ANKRD31: variants seen among roughly 807,000 people sequenced by gnomAD.
ANKRD31 encodes ankyrin repeat domain-containing protein 31.
ANKRD31 carries 147 observed loss-of-function variants against 186.0 expected under a neutral mutation model. The ratio of observed to expected loss-of-function variants is 0.79; its 90% CI spans 0.69 to 0.91. The LOEUF is 0.91. Among genes scored for constraint, ANKRD31 ranks in the 40% least tolerant of loss-of-function variants. The probability of loss-of-function intolerance (pLI) is 0.00; values close to 1 mark genes in which losing one functional copy is unlikely to be tolerated. For missense variants in ANKRD31, 1,986 were observed against 2,148.8 expected, an observed-to-expected ratio of 0.92 and a Z score of 1.50; for synonymous variants, 673 against 736.4, an observed-to-expected ratio of 0.91 and a Z score of 1.39.
In ANKRD31 at chr5:75,164,362, A is replaced by AT. The variant is rs535635838; in HGVS notation, c.1707+4616dup. Among the ~76,000 whole-genome samples, 63 of 152,338 alleles carry AT rather than the reference A, an allele frequency of 4.1e-4. 4 individuals carry two copies. The Middle Eastern group carries it at 0.017, about 41-fold the overall frequency. The stretch of plus-strand genomic sequence containing the variant: ...TGCAACATGATAAATGTTTATTATT[A>AT]TTTTAAGTTTTGTGGTAATTTGTTA... On this transcript the variant is annotated intron_variant, in intron 11 of 25. Transcript: ENST00000506364.
Position 75,154,207 on chromosome 5 carries a change from T to C in ANKRD31, c.1846A>G (p.Thr616Ala). 1 of 1,518,878 alleles carries C rather than the reference T, an allele frequency of 6.6e-7. No homozygotes were observed. 94.1% of individuals were successfully genotyped at this position (1,518,878 alleles called of 1,614,324 possible). The change falls in exon 12 of 26, where the codon ACA becomes GCA. Residue 616 changes from threonine to alanine, a missense_variant. Coordinates refer to ENST00000506364, the MANE Select transcript of ANKRD31 (RefSeq NM_001372053.1). ...CAGGGCAGTTTAATCTTACCTGATG[T>C]AAGGCATTTTTGATGTTTAGGGATA... The part of the protein sequence containing the change: ...RYIPKHQKCL[T>A]SAQRSSIDPL...
At chr5:75,092,356 C>T (rs1265680294) in intron 22 of ANKRD31, among the ~76,000 whole-genome samples, 2 of 152,156 alleles carry the variant, frequency 1.3e-5, no homozygotes, top group Non-Finnish European at 2.9e-5. Flanking sequence ...AAACACTGAC[C>T]TTGGGAACTA....
chr5:75,233,123 T>C (rs1028060049), intron 1 of ANKRD31, among the ~76,000 whole-genome samples: 1 of 151,730 alleles, frequency 6.6e-6, no homozygotes, highest in East Asian at 1.9e-4. Context: ...AGTGCAGTGA[T>C]ATAATCGCAG....
chr5:75,105,571 G>C (rs544394294), intron 21 of ANKRD31, among the ~76,000 whole-genome samples: 64 of 152,200 alleles, frequency 4.2e-4, no homozygotes, highest in African/African-American at 1.4e-3. Context: ...CATCTATTTA[G>C]TCGTTGGTTG....
intron 22 of ANKRD31, among the ~76,000 whole-genome samples, chr5:75,100,619 C>T (rs1746768817): frequency 2.0e-5 from 3 of 152,080 alleles, no homozygotes; most frequent in Admixed American, 2.0e-4. Context: ...GTATTGGGTG[C>T]ATATATATTT....
intron 1 of ANKRD31, among the ~76,000 whole-genome samples, chr5:75,236,173 C>G (rs1758262706): frequency 6.6e-6 from 1 of 152,178 alleles, no homozygotes; most frequent in Non-Finnish European, 1.5e-5. Context: ...CCCCATCACA[C>G]ATTCTTTTCT....
intron 3 of ANKRD31, among the ~76,000 whole-genome samples, chr5:75,217,402 C>T (rs190346738): frequency 1.2e-4 from 19 of 152,184 alleles, no homozygotes; most frequent in African/African-American, 3.6e-4. Flanking sequence ...TATGGGTGCA[C>T]CTGAGTTGGG....
intron 10 of ANKRD31, among the ~76,000 whole-genome samples, chr5:75,185,772 CATT>C (rs1283712725): frequency 1.3e-5 from 2 of 151,788 alleles, no homozygotes; most frequent in African/African-American, 4.8e-5. Flanking sequence ...TAAAAAAACA[CATT>C]GTTCCCCATA....
At chr5:75,141,143 C>A (rs892324385) in intron 15 of ANKRD31, among the ~76,000 whole-genome samples, 1 of 152,138 alleles carries the variant, frequency 6.6e-6, no homozygotes, top group African/African-American at 2.4e-5. Flanking sequence ...TAAATGTCAT[C>A]AACCATGCAT....
At chr5:75,117,561 T>C (rs1295167872) in intron 18 of ANKRD31, among the ~76,000 whole-genome samples, 3 of 152,078 alleles carry the variant, frequency 2.0e-5, no homozygotes, top group Non-Finnish European at 4.4e-5. Flanking sequence ...ACAATTGCTC[T>C]CCCCAGCATT....
rs576082222 is a variant in ANKRD31 at position 75,124,761 on chromosome 5, C to T, written c.3877-6464G>A. On this transcript the variant is annotated intron_variant, in intron 17 of 25. Coordinates refer to ENST00000506364, the MANE Select transcript of ANKRD31 (RefSeq NM_001372053.1). ...GATGTTCTCACTTATAAGTAAGAGCCAAATAATGTGTATACATGGACAGAG... is the reference window on the plus strand; with the variant it reads ...GATGTTCTCACTTATAAGTAAGAGCTAAATAATGTGTATACATGGACAGAG... 1.9e-3 allele frequency among the ~76,000 whole-genome samples: 278 copies of T among 150,186 alleles called. 1 individual carries two copies. The highest frequency in any genetic ancestry group is 6.6e-3 in the African/African-American group (270 of 41,124).
At chr5:75,165,256 T>C (rs1170246712) in intron 11 of ANKRD31, among the ~76,000 whole-genome samples, 1 of 151,598 alleles carries the variant, frequency 6.6e-6, no homozygotes, top group Non-Finnish European at 1.5e-5. Context: ...ATATTCAACT[T>C]GTACTTCAAA....
In ANKRD31 at chr5:75,102,150, A is replaced by G. The variant is rs367759196; in HGVS notation, c.5331+2078T>C. ...TCTGTTTGTTAGTTTTCCTTCTAAC[A>G]GTCAGGACCCTCAGCTGCAGGTCTG... On this transcript the variant is annotated intron_variant, in intron 22 of 25. Coordinates refer to ENST00000506364, the MANE Select transcript of ANKRD31 (RefSeq NM_001372053.1). 9.9e-4 allele frequency among the ~76,000 whole-genome samples: 151 copies of G among 152,326 alleles called. 4 individuals are homozygous for G. The South Asian group carries it at 0.03, about 31-fold the overall frequency.
intron 10 of ANKRD31, among the ~76,000 whole-genome samples, chr5:75,169,435 T>C (rs1304548344): frequency 2.6e-5 from 4 of 152,180 alleles, no homozygotes; most frequent in African/African-American, 9.6e-5. Flanking sequence ...TGAATGCTGG[T>C]TGCAGGCTGC....
chr5:75,125,852 G>A (rs376683398), intron 17 of ANKRD31, among the ~76,000 whole-genome samples: 2 of 152,270 alleles, frequency 1.3e-5, no homozygotes, highest in East Asian at 1.9e-4. Flanking sequence ...CCTGAGGGCC[G>A]AAGAGATTGG....
At chr5:75,072,581 C>T (rs1744322841) in intron 25 of ANKRD31, among the ~76,000 whole-genome samples, 1 of 152,152 alleles carries the variant, frequency 6.6e-6, no homozygotes, top group South Asian at 2.1e-4. Context: ...GTTGAAACCA[C>T]TGCTATTTGG....
At chr5:75,102,563 G>A (rs949399754) in intron 22 of ANKRD31, among the ~76,000 whole-genome samples, 1 of 152,238 alleles carries the variant, frequency 6.6e-6, no homozygotes, top group Non-Finnish European at 1.5e-5. Flanking sequence ...GCCTCCTTGA[G>A]CTGTGGTGGC....
At chr5:75,099,588 A>G (rs1041810215) in intron 22 of ANKRD31, among the ~76,000 whole-genome samples, 9 of 152,078 alleles carry the variant, frequency 5.9e-5, no homozygotes, top group Non-Finnish European at 8.8e-5. Context: ...GTAGGCTATT[A>G]ATTATTGCTT....
intron 10 of ANKRD31, among the ~76,000 whole-genome samples, chr5:75,181,683 A>G (rs935181895): frequency 7.0e-6 from 1 of 143,322 alleles, no homozygotes; most frequent in Non-Finnish European, 1.5e-5. Flanking sequence ...GAATTGAACA[A>G]TGAGAACACA....
Sources: allele counts gnomAD v4.1 joint callset (sites outside exome capture counted in the v4.1 genomes callset), GRCh38; gene constraint gnomAD v4.1.1; transcripts MANE v1.5; gene names NCBI Gene and HGNC (gene_info 2026-07-23, HGNC 2026-07-21).